Variants in DPP4 observed in about 807,000 individuals in gnomAD.
DPP4 encodes ADCP-2.
Under a neutral mutation model 122.4 loss-of-function variants are expected in DPP4, and 93 were observed. That is an observed-to-expected ratio of 0.76 (90% CI 0.64 to 0.90). DPP4 has a LOEUF of 0.90. Ranked by LOEUF, DPP4 falls within the 40% of genes least tolerant of loss-of-function variation. The pLI is 0.00. For missense variants in DPP4, 914 were observed against 907.3 expected, an observed-to-expected ratio of 1.01 and a Z score of -0.09; for synonymous variants, 321 against 302.9, an observed-to-expected ratio of 1.06 and a Z score of -0.62.
intron 23 of DPP4, among the ~76,000 whole-genome samples, chr2:161,999,449 T>C (rs986380748): frequency 4.6e-5 from 7 of 152,112 alleles, no homozygotes; most frequent in Non-Finnish European, 1.5e-5. Flanking sequence ...CTCAGAGTGA[T>C]AAATGGGCAA....
At chr2:162,052,867 T>A (rs1412954821) in intron 2 of DPP4, among the ~76,000 whole-genome samples, 1 of 152,138 alleles carries the variant, frequency 6.6e-6, no homozygotes, top group Non-Finnish European at 1.5e-5. Flanking sequence ...AGATCTCAGA[T>A]AGAAATAAAG....
rs559255560 is a variant in DPP4 at position 162,066,480 on chromosome 2, C to T, written c.94+6919G>A. On this transcript the variant is annotated intron_variant, in intron 2 of 25. Transcript: ENST00000360534. Reference sequence around the variant, plus strand: ...ACTCCTTTCTGTGTCTGCCGGTCCTCTCTATCCCACTTGATTTCTGTCATA... The same window carrying T: ...ACTCCTTTCTGTGTCTGCCGGTCCTTTCTATCCCACTTGATTTCTGTCATA... Among the ~76,000 whole-genome samples the T allele has an allele frequency of 2.6e-5, 4 of 152,304 alleles. No individual in the cohort carries two copies. In the South Asian group the frequency reaches 8.3e-4, roughly 32 times the overall value.
chr2:162,019,284 G>A lies in DPP4; in HGVS notation c.1245-8C>T, dbSNP rs1171707697. 3.3e-6 allele frequency: 5 copies of A among 1,497,602 alleles called. No individual in the cohort carries two copies. The highest frequency in any genetic ancestry group is 2.4e-5 in the South Asian group (2 of 83,608). 92.8% of individuals were successfully genotyped at this position (1,497,602 alleles called of 1,614,324 possible). On this transcript the variant is annotated splice_region_variant and splice_polypyrimidine_tract_variant and intron_variant, in intron 14 of 25. Coordinates refer to ENST00000360534, the MANE Select transcript of DPP4 (RefSeq NM_001935.4). ...TCATTACTAATGTAGTATCTAGGAA[G>A]AGAAAAAAATGAAATATATATTAAT...
Position 162,039,321 on chromosome 2 carries a change from C to T in DPP4, c.367-137G>A, listed in dbSNP as rs932881267. The T allele has an allele frequency of 9.6e-5, 77 of 801,450 alleles. 1 individual carries two copies. The highest frequency in any genetic ancestry group is 9.1e-4 in the South Asian group (50 of 54,952). 49.6% of individuals were successfully genotyped at this position (801,450 alleles called of 1,614,324 possible). On this transcript the variant is annotated intron_variant, in intron 5 of 25. Coordinates refer to ENST00000360534, the MANE Select transcript of DPP4 (RefSeq NM_001935.4). ...TGTTATCATATCTTATAATTTCCTC[C>T]GAGAATTTTGGGATTCAGAAGTATC...
At chr2:162,068,985 T>C (rs1685032843) in intron 2 of DPP4, among the ~76,000 whole-genome samples, 1 of 152,128 alleles carries the variant, frequency 6.6e-6, no homozygotes, top group Non-Finnish European at 1.5e-5. Context: ...AGTCAGGCTT[T>C]CAGATAACAT....
intron 12 of DPP4, 34 bp downstream of exon 12, chr2:162,022,721 T>C (rs1388445074): frequency 1.9e-6 from 3 of 1,609,228 alleles, no homozygotes; most frequent in East Asian, 2.2e-5. Context: ...AGTAGCTGAC[T>C]CATCCATAAA....
intron 10 of DPP4, 150 bp downstream of exon 10, chr2:162,033,391 A>G (rs1683632685): frequency 1.7e-6 from 1 of 575,020 alleles, no homozygotes; most frequent in South Asian, 2.3e-5. Context: ...AAGATGCTCA[A>G]CAAAGAGTTG....
At chr2:162,009,745 C>T (rs2909448) in intron 20 of DPP4, among the ~76,000 whole-genome samples, 95,084 of 151,772 alleles carry the variant, frequency 0.63, 30,373 homozygotes, top group African/African-American at 0.75. Context: ...GAAATGTCTC[C>T]GGGCCCCCTA....
intron 2 of DPP4, among the ~76,000 whole-genome samples, chr2:162,053,634 G>A (rs1279249971): frequency 6.6e-6 from 1 of 152,178 alleles, no homozygotes; most frequent in Non-Finnish European, 1.5e-5. Flanking sequence ...TGTCTCTGCT[G>A]TCAGCATTCT....
chr2:162,003,099 G>A (rs1365733856), intron 23 of DPP4, among the ~76,000 whole-genome samples: 1 of 152,156 alleles, frequency 6.6e-6, no homozygotes, highest in Non-Finnish European at 1.5e-5. Flanking sequence ...TGAATTTTGT[G>A]CCAAGAAAAC....
Position 162,044,573 on chromosome 2 carries a change from A to T in DPP4, c.366+959T>A, listed in dbSNP as rs556468520. Among the ~76,000 whole-genome samples the T allele has an allele frequency of 3.9e-4, 59 of 152,200 alleles. No individual in the cohort carries two copies. In the South Asian group the frequency reaches 8.9e-3, roughly 23 times the overall value. ...CAGGGGTGGGAATCCCCAGCTTTGT[A>T]TTTTGCTTGCAATACAGGGTATCTT... On this transcript the variant is annotated intron_variant, in intron 5 of 25. Transcript: ENST00000360534.
chr2:162,068,871 A>G (rs1417792503), intron 2 of DPP4, among the ~76,000 whole-genome samples: 5 of 152,128 alleles, frequency 3.3e-5, no homozygotes, highest in African/African-American at 9.7e-5. Context: ...ATGAAATTAT[A>G]ATATAATTCC....
chr2:162,067,131 T>A (rs764613575), intron 2 of DPP4, among the ~76,000 whole-genome samples: 1 of 152,242 alleles, frequency 6.6e-6, no homozygotes, highest in Non-Finnish European at 1.5e-5. Context: ...AGGTTTTAAA[T>A]CTCATACTGA....
chr2:162,048,382 C>G (rs1210312785), intron 2 of DPP4, among the ~76,000 whole-genome samples: 1 of 152,114 alleles, frequency 6.6e-6, no homozygotes, highest in Non-Finnish European at 1.5e-5. Flanking sequence ...CTCTGCACCA[C>G]CACTAGAATA....
intron 12 of DPP4, among the ~76,000 whole-genome samples, chr2:162,020,904 A>G (rs1683102522): frequency 6.6e-6 from 1 of 152,240 alleles, no homozygotes; most frequent in Non-Finnish European, 1.5e-5. Context: ...GCAGTAAATG[A>G]GAGAATGTAT....
Position 162,073,993 on chromosome 2 carries a change from C to G in DPP4, c.-12G>C. On this transcript the variant is annotated 5_prime_UTR_variant, in exon 1 of 26. Coordinates refer to ENST00000360534, the MANE Select transcript of DPP4 (RefSeq NM_001935.4). ...GCACTCACCTTCATCGTCGGCGTCTCCTCGGAAGTGAGCGTTCAGAGAAGG... is the reference window on the plus strand; with the variant it reads ...GCACTCACCTTCATCGTCGGCGTCTGCTCGGAAGTGAGCGTTCAGAGAAGG... 1 of 1,611,754 alleles carries G rather than the reference C, an allele frequency of 6.2e-7. No individual in the cohort carries two copies. Among genetic ancestry groups the G allele is most frequent in the Non-Finnish European group, 8.5e-7 (1 of 1,179,022 alleles).
chr2:162,028,311 G>A (rs770667245), intron 10 of DPP4, among the ~76,000 whole-genome samples: 2 of 152,078 alleles, frequency 1.3e-5, no homozygotes, highest in African/African-American at 2.4e-5. Context: ...GCATTGAGCC[G>A]AGATCATGCC....
chr2:162,016,885 C>T lies in DPP4; in HGVS notation c.1469-19G>A, dbSNP rs200131856. The T allele has an allele frequency of 2.3e-5, 36 of 1,591,574 alleles. No homozygotes were observed. Among genetic ancestry groups the T allele is most frequent in the Admixed American group, 3.6e-5 (2 of 55,056 alleles). On this transcript the variant is annotated intron_variant, in intron 17 of 25. Transcript: ENST00000360534. Reference sequence around the variant, plus strand: ...CTCAGCCCTAAAGAAATACAGGAGACAGCAGTCATTCATTACAATGTGAAA... The same window carrying T: ...CTCAGCCCTAAAGAAATACAGGAGATAGCAGTCATTCATTACAATGTGAAA...
At chr2:162,031,390 C>T (rs998489554) in intron 10 of DPP4, among the ~76,000 whole-genome samples, 1 of 152,204 alleles carries the variant, frequency 6.6e-6, no homozygotes, top group Non-Finnish European at 1.5e-5. Context: ...TATTATATCT[C>T]ACTTGAACAA....
Sources: allele counts gnomAD v4.1 joint callset (sites outside exome capture counted in the v4.1 genomes callset), GRCh38; gene constraint gnomAD v4.1.1; transcripts MANE v1.5; gene names NCBI Gene and HGNC (gene_info 2026-07-23, HGNC 2026-07-21).